Variants in WDR33 observed in about 807,000 individuals in gnomAD.
The protein encoded by WDR33 is WD repeat domain 33, also known as pre-mRNA 3' end processing protein WDR33.
WDR33 carries 47 observed loss-of-function variants against 164.9 expected under a neutral mutation model. That is an observed-to-expected ratio of 0.29 (90% CI 0.23 to 0.36). The LOEUF is 0.36. Ranked by LOEUF, WDR33 falls within the 10% of genes least tolerant of loss-of-function variation. The pLI, the probability that WDR33 is intolerant of heterozygous loss-of-function variation, is 1.00. For synonymous variants in WDR33, 505 were observed against 589.0 expected (o/e 0.86, Z 2.06); for missense variants, 1,137 against 1,754.1 (o/e 0.65, Z 6.28).
intron 1 of WDR33, among the ~76,000 whole-genome samples, chr2:127,789,560 G>A (rs1447868141): frequency 2.7e-5 from 4 of 149,184 alleles, no homozygotes; most frequent in African/African-American, 7.3e-5. Flanking sequence ...GCGTGGCGGC[G>A]CGTGCCTGCA....
intron 7 of WDR33, among the ~76,000 whole-genome samples, chr2:127,756,733 T>C (rs986941327): frequency 1.3e-5 from 2 of 152,292 alleles, no homozygotes; most frequent in Admixed American, 6.5e-5. Flanking sequence ...GAAAGGCTCT[T>C]TCTGAAAACT....
In WDR33 at chr2:127,763,526, A is replaced by G. The variant is rs1465494073; in HGVS notation, c.627-367T>C. ...TTGCAGTATTCCTGCAGTCTTTTAA[A>G]TCACACACGAATACTGCTCCCAAAA... On this transcript the variant is annotated intron_variant, in intron 6 of 21. Transcript: ENST00000322313. The surrounding 1 kb of genome is among the most constrained non-coding windows in gnomAD (Gnocchi z 4.5). The G allele has an allele frequency of 1.2e-5, 13 of 1,045,960 alleles. No individual in the cohort carries two copies. The highest frequency in any genetic ancestry group is 1.3e-5 in the Non-Finnish European group (11 of 866,858). The allele number at this position is 1,045,960 out of a possible 1,614,324, so 64.8% of individuals were successfully genotyped here.
rs926647604 is a variant in WDR33 at position 127,735,038 on chromosome 2, G to A, written c.725-8261C>T. Among the ~76,000 whole-genome samples the A allele has an allele frequency of 4.6e-5, 7 of 152,216 alleles. No individual in the cohort carries two copies. The highest frequency in any genetic ancestry group is 1.7e-4 in the African/African-American group (7 of 41,454). On this transcript the variant is annotated intron_variant, in intron 7 of 21. Transcript: ENST00000322313. The surrounding 1 kb of genome is among the most constrained non-coding windows in gnomAD (Gnocchi z 4.3). ...AACATGATAAATGGATTAGGTATTA[G>A]ATATTTGGTGAACAGACATTCTAGA...
intron 1 of WDR33, among the ~76,000 whole-genome samples, chr2:127,777,755 T>C (rs1197077094): frequency 7.7e-6 from 1 of 129,910 alleles, no homozygotes; most frequent in Admixed American, 7.5e-5. Flanking sequence ...GGACTACACA[T>C]GTGTGCCACC....
rs1333324065 is a variant in WDR33, at chr2:127,701,242, C to G, written c.*5081G>C. ...AACCACACCCACCCCTGCCTTCCAA[C>G]TATTAATGCTGGCAGGACTTAGCCA... On this transcript the variant is annotated 3_prime_UTR_variant, in exon 22 of 22. Coordinates refer to ENST00000322313, the MANE Select transcript of WDR33 (RefSeq NM_018383.5). 1 of 269,658 alleles carries G rather than the reference C, an allele frequency of 3.7e-6. No individual in the cohort carries two copies. Among genetic ancestry groups the G allele is most frequent in the Non-Finnish European group, 6.9e-6 (1 of 144,616 alleles). The allele number at this position is 269,658 out of a possible 1,614,324, so 16.7% of individuals were successfully genotyped here.
At chr2:127,729,552 C>T (rs1283648723) in intron 7 of WDR33, among the ~76,000 whole-genome samples, 1 of 151,074 alleles carries the variant, frequency 6.6e-6, no homozygotes, top group Admixed American at 6.6e-5. Flanking sequence ...AGTGCAGTGG[C>T]GCCATCTCGG....
rs754969645 is a variant in WDR33 at position 127,701,545 on chromosome 2, G to A, written c.*4778C>T. On this transcript the variant is annotated 3_prime_UTR_variant, in exon 22 of 22. Transcript: ENST00000322313. Reference sequence around the variant, plus strand: ...TTGTCCAAGATGGCGGACCTCCACCGCCAGCTGCAGGAGTACCTGGCGCAG... The same window carrying A: ...TTGTCCAAGATGGCGGACCTCCACCACCAGCTGCAGGAGTACCTGGCGCAG... 5 of 1,344,808 alleles carry A rather than the reference G, an allele frequency of 3.7e-6. No homozygotes were observed. The highest frequency in any genetic ancestry group is 1.9e-5 in the South Asian group (1 of 52,384). 83.3% of individuals were successfully genotyped at this position (1,344,808 alleles called of 1,614,324 possible).
intron 1 of WDR33, among the ~76,000 whole-genome samples, chr2:127,784,224 A>G (rs1479494174): frequency 1.3e-5 from 2 of 152,136 alleles, no homozygotes; most frequent in Non-Finnish European, 2.9e-5. Context: ...TATGAAATAT[A>G]TTATGAAAAA....
Position 127,714,496 on chromosome 2 carries a change from CTCT to C in WDR33, c.2870-478_2870-476del, listed in dbSNP as rs1301814799. On this transcript the variant is annotated intron_variant, in intron 17 of 21. Coordinates refer to ENST00000322313, the MANE Select transcript of WDR33 (RefSeq NM_018383.5). This position sits in a 1 kb window ranked among gnomAD's most constrained non-coding sequence, Gnocchi z 4.3. ...GCCACTGCCACCCATGACATCCCTC[CTCT>C]AACCCCAGCTTGTTGCACTTGATTC... Among the ~76,000 whole-genome samples, 2 of 152,350 alleles carry C rather than the reference CTCT, an allele frequency of 1.3e-5. 1 individual carries two copies. Among genetic ancestry groups the C allele is most frequent in the Admixed American group, 1.3e-4 (2 of 15,308 alleles).
At chr2:127,730,518 C>CA (rs1467418231) in intron 7 of WDR33, among the ~76,000 whole-genome samples, 1 of 151,338 alleles carries the variant, frequency 6.6e-6, no homozygotes, top group East Asian at 1.9e-4. Flanking sequence ...TTAATAATAG[C>CA]AAAAAAATGG....
At chr2:127,757,113 A>G (rs1687543595) in intron 7 of WDR33, among the ~76,000 whole-genome samples, 1 of 151,956 alleles carries the variant, frequency 6.6e-6, no homozygotes, top group Non-Finnish European at 1.5e-5. Context: ...TTCACATACA[A>G]AAGAGTGCCT....
chr2:127,803,419 A>G (rs1231643189), intron 1 of WDR33, among the ~76,000 whole-genome samples: 1 of 152,052 alleles, frequency 6.6e-6, no homozygotes, highest in Admixed American at 6.6e-5. Context: ...ATCTCTACTA[A>G]AAATACAAAA....
In WDR33 at chr2:127,764,142, T is replaced by C. The variant is rs1687756576; in HGVS notation, c.626+686A>G. ...CCCAGTTTTACTATACATACCTCAC[T>C]GATGTGTAAAAATATACAACTCACT... On this transcript the variant is annotated intron_variant, in intron 6 of 21. Transcript: ENST00000322313. This position sits in a 1 kb window ranked among gnomAD's most constrained non-coding sequence, Gnocchi z 6.2. 8 of 1,005,018 alleles carry C rather than the reference T, an allele frequency of 8.0e-6. No homozygotes were observed. Among genetic ancestry groups the C allele is most frequent in the Non-Finnish European group, 9.5e-6 (8 of 842,918 alleles). The allele number at this position is 1,005,018 out of a possible 1,614,324, so 62.3% of individuals were successfully genotyped here.
At chr2:127,810,421 C>T (rs529097849) in intron 1 of WDR33, among the ~76,000 whole-genome samples, 1 of 152,270 alleles carries the variant, frequency 6.6e-6, no homozygotes, top group South Asian at 2.1e-4. Flanking sequence ...TTTAAGAAGG[C>T]ATGCTAAGAT....
Position 127,793,380 on chromosome 2 carries a change from G to A in WDR33, c.-24+17632C>T, listed in dbSNP as rs183849271. 4.6e-5 allele frequency among the ~76,000 whole-genome samples: 7 copies of A among 151,708 alleles called. No homozygotes were observed. In the East Asian group the frequency reaches 9.7e-4, roughly 21 times the overall value. On this transcript the variant is annotated intron_variant, in intron 1 of 21. Coordinates refer to ENST00000322313, the MANE Select transcript of WDR33 (RefSeq NM_018383.5). ...CGGGAGAAGGAGGTTGCAGTGAGCC[G>A]AGATCATACCACTGCACTCCAGCCT...
chr2:127,750,703 T>C (rs1346065563), intron 7 of WDR33, among the ~76,000 whole-genome samples: 61 of 56,638 alleles, frequency 1.1e-3, no homozygotes, highest in African/African-American at 6.7e-3. Context: ...TATATATATA[T>C]ATATATATAT....
At chr2:127,734,316 T>C (rs1573898639) in intron 7 of WDR33, among the ~76,000 whole-genome samples, 1 of 152,168 alleles carries the variant, frequency 6.6e-6, no homozygotes. Context: ...GTTTGCATCA[T>C]TCCTTAGCTA....
intron 7 of WDR33, among the ~76,000 whole-genome samples, chr2:127,743,334 T>G (rs1426002282): frequency 6.6e-6 from 1 of 152,188 alleles, no homozygotes; most frequent in African/African-American, 2.4e-5. Flanking sequence ...AACTATGGCA[T>G]TATTTTCAAC....
intron 1 of WDR33, among the ~76,000 whole-genome samples, chr2:127,810,116 CTAAAAAAG>C (rs1202954150): frequency 6.6e-6 from 1 of 152,018 alleles, no homozygotes; most frequent in East Asian, 1.9e-4. Flanking sequence ...CCAGAGTGTA[CTAAAAAAG>C]TAAAGTCTAC....
Sources: allele counts gnomAD v4.1 joint callset (sites outside exome capture counted in the v4.1 genomes callset), GRCh38; gene constraint gnomAD v4.1.1; non-coding constraint Gnocchi (gnomAD v3.1); transcripts MANE v1.5; gene names NCBI Gene and HGNC (gene_info 2026-07-23, HGNC 2026-07-21).